The following RXRA variants were observed in gnomAD, a reference collection of about 807,000 sequenced individuals.
RXRA encodes retinoic acid receptor RXR-alpha.
A neutral mutation model predicts 44.5 loss-of-function variants in RXRA; 5 were observed. The observed-to-expected ratio is 0.11, with a 90% CI of 0.06 to 0.24. The LOEUF (loss-of-function observed/expected upper bound fraction) is 0.24. RXRA is among the 10% of genes least tolerant of loss of function. RXRA has a pLI of 1.00. For missense variants in RXRA, 412 were observed against 646.5 expected, an observed-to-expected ratio of 0.64 and a Z score of 3.93; for synonymous variants, 291 against 271.4, an observed-to-expected ratio of 1.07 and a Z score of -0.71.
chr9:134,421,897 G>T (rs963082828), intron 6 of RXRA, 92 bp downstream of exon 6: 1 of 1,543,576 alleles, frequency 6.5e-7, no homozygotes, highest in Non-Finnish European at 8.7e-7. Flanking sequence ...CCGCACTCCC[G>T]GGACACTCCC....
chr9:134,421,607 T>G (rs1588302691), intron 5 of RXRA, 69 bp from the exon 6 acceptor site: 1 of 1,500,684 alleles, frequency 6.7e-7, no homozygotes, highest in East Asian at 2.3e-5. Flanking sequence ...CAGGGCCTGG[T>G]CTGGGCTGTG....
chr9:134,388,426 TCTG>T (rs1481280075), intron 1 of RXRA, among the ~76,000 whole-genome samples: 3 of 152,216 alleles, frequency 2.0e-5, no homozygotes, highest in Non-Finnish European at 4.4e-5. Context: ...GGGATGTTGT[TCTG>T]CTCTCACGCA....
intron 1 of RXRA, chr9:134,401,300 T>C (rs1830954705): frequency 2.7e-6 from 1 of 366,920 alleles, no homozygotes; most frequent in Non-Finnish European, 5.0e-6. Flanking sequence ...CCCACTGCTT[T>C]CCCAGGTGGA....
chr9:134,387,198 C>T (rs946771442), intron 1 of RXRA, among the ~76,000 whole-genome samples: 4 of 152,262 alleles, frequency 2.6e-5, no homozygotes, highest in African/African-American at 4.8e-5. Context: ...GGCTCCCGGC[C>T]GCTCCGCCCT....
intron 2 of RXRA, among the ~76,000 whole-genome samples, chr9:134,406,613 G>C (rs1411529174): frequency 6.6e-6 from 1 of 152,212 alleles, no homozygotes; most frequent in Non-Finnish European, 1.5e-5. Context: ...GGGCTGGGCA[G>C]GGCCTTGTCC....
chr9:134,419,430 G>T (rs566580991), intron 5 of RXRA, among the ~76,000 whole-genome samples: 3 of 152,200 alleles, frequency 2.0e-5, no homozygotes, highest in Non-Finnish European at 4.4e-5. Flanking sequence ...CGGGGAGGGG[G>T]TCTCTCTGTG....
At chr9:134,435,787 C>T (rs898258810) in intron 9 of RXRA, among the ~76,000 whole-genome samples, 1 of 152,162 alleles carries the variant, frequency 6.6e-6, no homozygotes, top group African/African-American at 2.4e-5. Context: ...CCCTTACAAG[C>T]CCCGCAGTCT....
intron 1 of RXRA, among the ~76,000 whole-genome samples, chr9:134,344,870 T>C (rs1380177070): frequency 6.6e-6 from 1 of 152,086 alleles, no homozygotes; most frequent in East Asian, 1.9e-4. Context: ...AACACACTGG[T>C]GGTAGTGATG....
intron 1 of RXRA, among the ~76,000 whole-genome samples, chr9:134,388,282 A>AGTGTGTGTGTGTGTGTGT (rs766270667): frequency 2.6e-3 from 47 of 17,872 alleles, no homozygotes; most frequent in Non-Finnish European, 4.2e-3. Flanking sequence ...AGCTAGAAGC[A>AGTGTGTGTGTGTGTGTGT]GTGTGTGTGT....
intron 1 of RXRA, among the ~76,000 whole-genome samples, chr9:134,368,040 G>A (rs926349963): frequency 2.0e-5 from 3 of 152,238 alleles, no homozygotes; most frequent in African/African-American, 2.4e-5. Context: ...CATGCTCTCC[G>A]CTCTGGAGGT....
intron 1 of RXRA, among the ~76,000 whole-genome samples, chr9:134,356,739 A>G (rs542110002): frequency 2.0e-5 from 3 of 152,294 alleles, no homozygotes; most frequent in African/African-American, 4.8e-5. Context: ...TTGTCCTGCT[A>G]TGGAGGGGAA....
intron 6 of RXRA, chr9:134,422,623 GGGACACTCCCCTCTCCCC>G (rs1189319318): frequency 6.6e-6 from 6 of 914,848 alleles, no homozygotes; most frequent in East Asian, 2.7e-4. Flanking sequence ...CCCCACTCCC[GGGACACTCCCCTCTCCCC>G]GGACACTCCC....
chr9:134,433,426 C>T lies in RXRA; in HGVS notation c.1136-676C>T, dbSNP rs1263115206. Among the ~76,000 whole-genome samples, 1 of 151,042 alleles carries T rather than the reference C, an allele frequency of 6.6e-6. No homozygotes were observed. The highest frequency in any genetic ancestry group is 2.5e-5 in the African/African-American group (1 of 40,444). On this transcript the variant is annotated intron_variant, in intron 8 of 9. Coordinates refer to ENST00000481739, the MANE Select transcript of RXRA (RefSeq NM_002957.6). This position sits in a 1 kb window ranked among gnomAD's most constrained non-coding sequence, Gnocchi z 4.2. Reference sequence around the variant, plus strand: ...CAGGCATGCAGGGAGGGCGAGGAGACTGGCTGGAGCGGAGGCAGCTGGGGG... The same window carrying T: ...CAGGCATGCAGGGAGGGCGAGGAGATTGGCTGGAGCGGAGGCAGCTGGGGG...
At chr9:134,367,116 C>T (rs1830423928) in intron 1 of RXRA, among the ~76,000 whole-genome samples, 1 of 152,320 alleles carries the variant, frequency 6.6e-6, no homozygotes, top group African/African-American at 2.4e-5. Flanking sequence ...TGCACAGCCA[C>T]CACCACAGCC....
At position 134,365,882 on chromosome 9, in the gene RXRA, C is replaced by T. The variant is rs1177027292; in HGVS notation, c.29-35750C>T. ...GCTCAGGCCTGTCTTGGGGAGGGTT[C>T]CTGGGCTGGGATTGGCCGTCGGGGA... On this transcript the variant is annotated intron_variant, in intron 1 of 9. Transcript: ENST00000481739. This position sits in a 1 kb window ranked among gnomAD's most constrained non-coding sequence, Gnocchi z 4.0. Among the ~76,000 whole-genome samples the T allele has an allele frequency of 6.6e-6, 1 of 152,010 alleles. No individual in the cohort carries two copies. The highest frequency in any genetic ancestry group is 2.4e-5 in the African/African-American group (1 of 41,388).
At chr9:134,361,821 A>T (rs1212561787) in intron 1 of RXRA, among the ~76,000 whole-genome samples, 6 of 152,158 alleles carry the variant, frequency 3.9e-5, no homozygotes, top group Non-Finnish European at 8.8e-5. Flanking sequence ...GGGCCTGAGC[A>T]CGGTGGGTCT....
chr9:134,344,779 C>T (rs1046986524), intron 1 of RXRA, among the ~76,000 whole-genome samples: 3 of 152,236 alleles, frequency 2.0e-5, no homozygotes, highest in Non-Finnish European at 2.9e-5. Context: ...TGACCGGTGT[C>T]TGTCTGTGTG....
chr9:134,418,700 T>G (rs1480725015), intron 5 of RXRA, among the ~76,000 whole-genome samples: 1 of 152,142 alleles, frequency 6.6e-6, no homozygotes, highest in Non-Finnish European at 1.5e-5. Flanking sequence ...GCACCTGATC[T>G]TTTCTCTGTG....
At chr9:134,382,858 G>A (rs565721199) in intron 1 of RXRA, among the ~76,000 whole-genome samples, 1 of 152,316 alleles carries the variant, frequency 6.6e-6, no homozygotes, top group Admixed American at 6.5e-5. Flanking sequence ...AGCGTTCGGC[G>A]AGTGTGGACT....
Sources: allele counts gnomAD v4.1 joint callset (sites outside exome capture counted in the v4.1 genomes callset), GRCh38; gene constraint gnomAD v4.1.1; non-coding constraint Gnocchi (gnomAD v3.1); transcripts MANE v1.5; gene names NCBI Gene and HGNC (gene_info 2026-07-23, HGNC 2026-07-21).